Variants in RAB3A observed in about 807,000 individuals in gnomAD.
RAB3A encodes the protein RAB3A, member RAS oncogene family.
Under a neutral mutation model 19.7 loss-of-function variants are expected in RAB3A, and 5 were observed. The ratio of observed to expected loss-of-function variants is 0.25; its 90% CI spans 0.13 to 0.53. The LOEUF is 0.53. Ranked by LOEUF, RAB3A falls within the 20% of genes least tolerant of loss-of-function variation. The pLI is 0.95. For missense variants in RAB3A, 189 were observed against 305.6 expected (o/e 0.62, Z 2.85); for synonymous variants, 119 against 122.1 (o/e 0.97, Z 0.17).
Position 18,197,467 on chromosome 19 carries a change from C to A in RAB3A, c.*3G>T, listed in dbSNP as rs753855384. ...GAAGAGGGGAAAGGGAGTGGGATGGCTCTCAGCAGGCGCAGTCCTGGTGCG... is the reference window on the plus strand; with the variant it reads ...GAAGAGGGGAAAGGGAGTGGGATGGATCTCAGCAGGCGCAGTCCTGGTGCG... On this transcript the variant is annotated 3_prime_UTR_variant, in exon 5 of 5. Transcript: ENST00000222256. 30 of 1,608,812 alleles carry A rather than the reference C, an allele frequency of 1.9e-5. No homozygotes were observed. Among genetic ancestry groups the A allele is most frequent in the Non-Finnish European group, 2.5e-5 (30 of 1,177,454 alleles).
chr19:18,197,785 AC>A, intron 4 of RAB3A, 125 bp from the exon 5 acceptor site: 2 of 151,806 alleles, frequency 1.3e-5, no homozygotes, highest in Non-Finnish European at 3.0e-5. Flanking sequence ...GAAGGTACTG[AC>A]AAATCCCACA....
intron 3 of RAB3A, 149 bp from the exon 4 acceptor site, chr19:18,198,998 G>T: frequency 2.0e-6 from 2 of 1,010,964 alleles, no homozygotes; most frequent in Non-Finnish European, 2.8e-6. Flanking sequence ...CCCCCAATGT[G>T]CCCCGCTTTC....
Position 18,197,569 on chromosome 19 carries a change from G to T in RAB3A, c.564C>A (p.Ser188=). The T allele has an allele frequency of 6.2e-7, 1 of 1,613,954 alleles. No individual in the cohort carries two copies. The highest frequency in any genetic ancestry group is 1.1e-5 in the South Asian group (1 of 91,080). The stretch of plus-strand genomic sequence containing the variant: ...CAGGGTCCGCCGTGTCCAACGACTC[G>T]GACATCTTCTCGCAGATGACATCCA... ...RLVDVICEKM[S]ESLDTADPAV... The change falls in exon 5 of 5, where the codon TCC becomes TCA. Residue 188 remains serine (S), a synonymous_variant. Transcript: ENST00000222256.
chr19:18,197,404 T>A lies in RAB3A; in HGVS notation c.*66A>T. ...GTGCCCGTGGCTGGTAGGGGCCGGG[T>A]CAGGCCCGGGTAGTTGGGGGAAGGT... is the stretch of plus-strand genomic sequence containing the variant. On this transcript the variant is annotated 3_prime_UTR_variant, in exon 5 of 5. Coordinates refer to ENST00000222256, the MANE Select transcript of RAB3A (RefSeq NM_002866.5). 1 of 1,509,570 alleles carries A rather than the reference T, an allele frequency of 6.6e-7. No homozygotes were observed. 93.5% of individuals were successfully genotyped at this position (1,509,570 alleles called of 1,614,324 possible).
chr19:18,202,826 C>T lies in RAB3A; in HGVS notation c.1-86G>A. 1.1e-5 allele frequency: 12 copies of T among 1,080,394 alleles called. No individual in the cohort carries two copies. The highest frequency in any genetic ancestry group is 1.7e-5 in the Non-Finnish European group (12 of 714,150). The allele number at this position is 1,080,394 out of a possible 1,614,324, so 66.9% of individuals were successfully genotyped here. A position where few individuals can be genotyped will look rare whatever the true frequency, so the allele number is the denominator to read the frequency against. Reference sequence around the variant, plus strand: ...GCCCAGGCAGAAGATGGCAAGGGCTCCAGAAAACGGCCGGTGTATGGAGGA... The same window carrying T: ...GCCCAGGCAGAAGATGGCAAGGGCTTCAGAAAACGGCCGGTGTATGGAGGA... On this transcript the variant is annotated intron_variant, in intron 1 of 4. Transcript: ENST00000222256. The surrounding 1 kb of genome is among the most constrained non-coding windows in gnomAD (Gnocchi z 4.2).
At chr19:18,201,255 A>C (rs1158247258) in intron 2 of RAB3A, among the ~76,000 whole-genome samples, 1 of 73,182 alleles carries the variant, frequency 1.4e-5, no homozygotes, top group African/African-American at 4.1e-5. Flanking sequence ...ACAACAAAAA[A>C]AAAAAAAAAA....
Position 18,202,030 on chromosome 19 carries a change from C to G in RAB3A, c.228+483G>C, listed in dbSNP as rs933968875. Among the ~76,000 whole-genome samples the G allele has an allele frequency of 1.3e-5, 2 of 151,932 alleles. No individual in the cohort carries two copies. Among genetic ancestry groups the G allele is most frequent in the Non-Finnish European group, 1.5e-5 (1 of 67,982 alleles). ...GGAGGATCGCTTGAGCCCAGGAGTTCAAGACCAGCCTGGGCAGACATAGCC... is the reference window on the plus strand; with the variant it reads ...GGAGGATCGCTTGAGCCCAGGAGTTGAAGACCAGCCTGGGCAGACATAGCC... On this transcript the variant is annotated intron_variant, in intron 2 of 4. Transcript: ENST00000222256. This position sits in a 1 kb window ranked among gnomAD's most constrained non-coding sequence, Gnocchi z 4.2.
At position 18,202,775 on chromosome 19, in the gene RAB3A, G is replaced by A. The variant is rs1967630885; in HGVS notation, c.1-35C>T. 6 of 1,567,520 alleles carry A rather than the reference G, an allele frequency of 3.8e-6. No individual in the cohort carries two copies. The highest frequency in any genetic ancestry group is 5.3e-6 in the Non-Finnish European group (6 of 1,140,038). ...CCGGGTGTAGCAGAGCCGTGAGGGG[G>A]GCTCTCTCCATCCTCATGTGCCCAA... On this transcript the variant is annotated intron_variant, in intron 1 of 4. Transcript: ENST00000222256. The surrounding 1 kb of genome is among the most constrained non-coding windows in gnomAD (Gnocchi z 4.2).
Position 18,202,630 on chromosome 19 carries a change from G to A in RAB3A, c.111C>T (p.Ser37=), listed in dbSNP as rs1967628282. The stretch of plus-strand genomic sequence containing the variant: ...AGTCGTCAGCATAGCGGAAGAGGAA[G>A]GACGTCTTGCCCACGCTGCTGTTGC... ...IIGNSSVGKT[S]FLFRYADDSF... Residue 37 remains serine (S), a synonymous_variant, in exon 2 of 5, where the codon TCC becomes TCT. Transcript: ENST00000222256. The surrounding 1 kb of genome is among the most constrained non-coding windows in gnomAD (Gnocchi z 4.2). 1 of 1,614,214 alleles carries A rather than the reference G, an allele frequency of 6.2e-7. No individual in the cohort carries two copies. The highest frequency in any genetic ancestry group is 8.5e-7 in the Non-Finnish European group (1 of 1,180,036).
At position 18,202,884 on chromosome 19, in the gene RAB3A, T is replaced by C; in HGVS notation, c.1-144A>G. 2 of 639,988 alleles carry C rather than the reference T, an allele frequency of 3.1e-6. No homozygotes were observed. Among genetic ancestry groups the C allele is most frequent in the South Asian group, 1.8e-5 (1 of 54,254 alleles). The allele number at this position is 639,988 out of a possible 1,614,324, so 39.6% of individuals were successfully genotyped here. A position where few individuals can be genotyped will look rare whatever the true frequency, so the allele number is the denominator to read the frequency against. ...ATCCCATCAGGAGCCCCAGTATTAA[T>C]TGGTGGTGCCCCCAGCAGAGGGCAG... is the stretch of plus-strand genomic sequence containing the variant. On this transcript the variant is annotated intron_variant, in intron 1 of 4. Transcript: ENST00000222256. This position sits in a 1 kb window ranked among gnomAD's most constrained non-coding sequence, Gnocchi z 4.2.
intron 4 of RAB3A, 138 bp downstream of exon 4, chr19:18,198,587 A>C: frequency 1.8e-6 from 2 of 1,113,038 alleles, no homozygotes; most frequent in East Asian, 2.6e-5. Flanking sequence ...ATCCAACTCA[A>C]ATGGCTCCTG....
rs1967527857 is a variant in RAB3A at position 18,196,787 on chromosome 19, C to T, written c.*683G>A. On this transcript the variant is annotated 3_prime_UTR_variant, in exon 5 of 5. Transcript: ENST00000222256. Reference sequence around the variant, plus strand: ...CAGGGTGGGCAGGACCCGGTGCTCACAGGGACACACATGGATGGTCCATTC... The same window carrying T: ...CAGGGTGGGCAGGACCCGGTGCTCATAGGGACACACATGGATGGTCCATTC... The T allele has an allele frequency of 3.2e-6, 1 of 316,810 alleles. No homozygotes were observed. The highest frequency in any genetic ancestry group is 2.2e-5 in the African/African-American group (1 of 46,360). 19.6% of individuals were successfully genotyped at this position (316,810 alleles called of 1,614,324 possible).
At chr19:18,203,841 T>A (rs527887788) in intron 1 of RAB3A, 55 bp downstream of exon 1, 1 of 152,770 alleles carries the variant, frequency 6.5e-6, no homozygotes, top group East Asian at 1.9e-4. Context: ...ATCAGTCAAA[T>A]GAAGGTTATG....
chr19:18,202,615 A>G lies in RAB3A; in HGVS notation c.126T>C (p.Tyr42=), dbSNP rs1967628077. The part of the protein sequence containing the change: ...SVGKTSFLFR[Y]ADDSFTPAFV... ...AGGCAGGCGTGAACGAGTCGTCAGCATAGCGGAAGAGGAAGGACGTCTTGC... is the reference window on the plus strand; with the variant it reads ...AGGCAGGCGTGAACGAGTCGTCAGCGTAGCGGAAGAGGAAGGACGTCTTGC... The change falls in exon 2 of 5, where the codon TAT becomes TAC. Residue 42 remains tyrosine (Y), a synonymous_variant. Coordinates refer to ENST00000222256, the MANE Select transcript of RAB3A (RefSeq NM_002866.5). The surrounding 1 kb of genome is among the most constrained non-coding windows in gnomAD (Gnocchi z 4.2). 6.2e-7 allele frequency: 1 copy of G among 1,614,088 alleles called. No homozygotes were observed. The highest frequency in any genetic ancestry group is 8.5e-7 in the Non-Finnish European group (1 of 1,180,040).
At chr19:18,197,784 GACAAATCCC>G in intron 4 of RAB3A, 124 bp from the exon 5 acceptor site, 2 of 162,126 alleles carry the variant, frequency 1.2e-5, no homozygotes, top group Non-Finnish European at 2.6e-5. Context: ...TGAAGGTACT[GACAAATCCC>G]ACAGAGAAGA....
In RAB3A at chr19:18,197,320, TA is replaced by T; in HGVS notation, c.*149del. 1.3e-6 allele frequency: 1 copy of T among 747,744 alleles called. No individual in the cohort carries two copies. Among genetic ancestry groups the T allele is most frequent in the Non-Finnish European group, 2.1e-6 (1 of 480,686 alleles). The allele number at this position is 747,744 out of a possible 1,614,324, so 46.3% of individuals were successfully genotyped here. On this transcript the variant is annotated 3_prime_UTR_variant, in exon 5 of 5. Coordinates refer to ENST00000222256, the MANE Select transcript of RAB3A (RefSeq NM_002866.5). Reference sequence around the variant, plus strand: ...GCCCCTGGGGGACATCTTCAATAAATAAATAAATAGCTACAATAATAAATAA... The same window carrying T: ...GCCCCTGGGGGACATCTTCAATAAATAATAAATAGCTACAATAATAAATAA...
At chr19:18,201,908 A>G (rs768627888) in intron 2 of RAB3A, among the ~76,000 whole-genome samples, 1 of 152,140 alleles carries the variant, frequency 6.6e-6, no homozygotes, top group African/African-American at 2.4e-5. Context: ...GTTCAAATCC[A>G]GCCTGGGCAA....
rs913782749 is a variant in RAB3A at position 18,196,791 on chromosome 19, GAC to G, written c.*677_*678del. 1.4e-4 allele frequency: 45 copies of G among 316,028 alleles called. No homozygotes were observed. The highest frequency in any genetic ancestry group is 2.7e-4 in the Admixed American group (6 of 21,868). The allele number at this position is 316,028 out of a possible 1,614,324, so 19.6% of individuals were successfully genotyped here. A position where few individuals can be genotyped will look rare whatever the true frequency, so the allele number is the denominator to read the frequency against. On this transcript the variant is annotated 3_prime_UTR_variant, in exon 5 of 5. Coordinates refer to ENST00000222256, the MANE Select transcript of RAB3A (RefSeq NM_002866.5). The stretch of plus-strand genomic sequence containing the variant: ...GTGGGCAGGACCCGGTGCTCACAGG[GAC>G]ACACATGGATGGTCCATTCGCTTTA...
chr19:18,202,547 T>C lies in RAB3A; in HGVS notation c.194A>G (p.Tyr65Cys), dbSNP rs751460163. ...CAGCTTGATCCTCTTGTCGTTGCGA[T>C]AGATGGTCTTGACCTTGAAGTCGAT... is the stretch of plus-strand genomic sequence containing the variant. ...VGIDFKVKTI[Y>C]RNDKRIKLQI... Residue 65 changes from tyrosine to cysteine, a missense_variant, in exon 2 of 5, where the codon TAT becomes TGT. Coordinates refer to ENST00000222256, the MANE Select transcript of RAB3A (RefSeq NM_002866.5). This position sits in a 1 kb window ranked among gnomAD's most constrained non-coding sequence, Gnocchi z 4.2. 8.7e-6 allele frequency: 14 copies of C among 1,614,062 alleles called. No homozygotes were observed. The highest frequency in any genetic ancestry group is 7.6e-6 in the Non-Finnish European group (9 of 1,180,040).
Sources: allele counts gnomAD v4.1 joint callset (sites outside exome capture counted in the v4.1 genomes callset), GRCh38; gene constraint gnomAD v4.1.1; non-coding constraint Gnocchi (gnomAD v3.1); transcripts MANE v1.5; gene names NCBI Gene and HGNC (gene_info 2026-07-23, HGNC 2026-07-21).